Variants in FMN2 observed in about 807,000 individuals in gnomAD.
FMN2 encodes formin-2.
Under a neutral mutation model 142.3 loss-of-function variants are expected in FMN2, and 51 were observed. The ratio of observed to expected loss-of-function variants is 0.36; its 90% CI spans 0.29 to 0.45. FMN2 has a LOEUF of 0.45. Among genes scored for constraint, FMN2 ranks in the 20% least tolerant of loss-of-function variants. The pLI is 1.00. For synonymous variants in FMN2, 882 were observed against 869.8 expected, an observed-to-expected ratio of 1.01 and a Z score of -0.25; for missense variants, 1,936 against 2,122.8, an observed-to-expected ratio of 0.91 and a Z score of 1.73.
At chr1:240,171,236 A>T in intron 2 of FMN2, 4 of 773,006 alleles carry the variant, frequency 5.2e-6, no homozygotes, top group Non-Finnish European at 9.6e-6. Flanking sequence ...GATGAAATTA[A>T]CAAAGCCTTT....
At chr1:240,214,032 T>C (rs975021002) in intron 6 of FMN2, among the ~76,000 whole-genome samples, 1 of 152,216 alleles carries the variant, frequency 6.6e-6, no homozygotes, top group Non-Finnish European at 1.5e-5. Context: ...ACAAAGCATT[T>C]TATACTTTTC....
rs186054817 is a variant in FMN2, at chr1:240,358,361, A to G, written c.4858+2453A>G. Among the ~76,000 whole-genome samples, 88 of 152,340 alleles carry G rather than the reference A, an allele frequency of 5.8e-4. 1 individual carries two copies. Among genetic ancestry groups the G allele is most frequent in the Non-Finnish European group, 1.1e-3 (72 of 68,034 alleles). On this transcript the variant is annotated intron_variant, in intron 14 of 17. Coordinates refer to ENST00000319653, the MANE Select transcript of FMN2 (RefSeq NM_020066.5). ...TGTATGTAGATCAAGTGTGTCAACA[A>G]TATGAAAGAATAGAAGTCTCACTTT...
chr1:240,393,546 C>T (rs547223329), intron 15 of FMN2, among the ~76,000 whole-genome samples: 1 of 152,294 alleles, frequency 6.6e-6, no homozygotes, highest in Non-Finnish European at 1.5e-5. Flanking sequence ...AATTACCCAA[C>T]AGTGGCCTCT....
intron 16 of FMN2, among the ~76,000 whole-genome samples, chr1:240,452,567 A>G (rs1676099361): frequency 7.4e-6 from 1 of 135,130 alleles, no homozygotes; most frequent in African/African-American, 2.5e-5. Flanking sequence ...TCAAATTCCT[A>G]TGGCCTAAAG....
intron 4 of FMN2, among the ~76,000 whole-genome samples, chr1:240,195,491 G>A (rs1043647355): frequency 3.3e-5 from 5 of 152,160 alleles, no homozygotes; most frequent in Non-Finnish European, 5.9e-5. Context: ...TGATGCTGCT[G>A]TTGGCCATAG....
chr1:240,290,959 A>G (rs1304992509), intron 7 of FMN2, among the ~76,000 whole-genome samples: 1 of 151,610 alleles, frequency 6.6e-6, no homozygotes, highest in Non-Finnish European at 1.5e-5. Flanking sequence ...GATTACAGGC[A>G]TGCACCACCA....
chr1:240,313,695 C>T (rs932911351), intron 8 of FMN2, among the ~76,000 whole-genome samples: 5 of 152,054 alleles, frequency 3.3e-5, no homozygotes, highest in East Asian at 1.9e-4. Context: ...TGCCCGGGCA[C>T]GGTGGCTCAT....
At chr1:240,148,299 C>T (rs149685529) in intron 2 of FMN2, among the ~76,000 whole-genome samples, 1 of 41,872 alleles carries the variant, frequency 2.4e-5, no homozygotes, top group Non-Finnish European at 6.5e-5. Flanking sequence ...CAGACAGAGA[C>T]AGAGAGAGAG....
chr1:240,310,431 G>A (rs965565836), intron 8 of FMN2, among the ~76,000 whole-genome samples: 2 of 152,120 alleles, frequency 1.3e-5, no homozygotes, highest in Non-Finnish European at 1.5e-5. Context: ...TCTTCTAGAT[G>A]TGAATGAATC....
At chr1:240,193,963 G>A (rs1665812105) in intron 4 of FMN2, among the ~76,000 whole-genome samples, 1 of 152,126 alleles carries the variant, frequency 6.6e-6, no homozygotes, top group South Asian at 2.1e-4. Flanking sequence ...AGTCTTCAGC[G>A]TTATCACTCA....
At chr1:240,318,171 A>G (rs1157117538) in intron 8 of FMN2, among the ~76,000 whole-genome samples, 2 of 152,162 alleles carry the variant, frequency 1.3e-5, no homozygotes, top group Non-Finnish European at 2.9e-5. Context: ...GGGCCCCCAG[A>G]TACCAGGTTG....
intron 14 of FMN2, among the ~76,000 whole-genome samples, chr1:240,374,435 G>A (rs1488338133): frequency 1.3e-5 from 2 of 152,188 alleles, no homozygotes; most frequent in Non-Finnish European, 2.9e-5. Flanking sequence ...CTGTTGTAGT[G>A]TAGCCACCTT....
rs746210575 is a variant in FMN2 at position 240,093,584 on chromosome 1, G to T, written c.1475G>T (p.Arg492Leu). 19 of 1,447,380 alleles carry T rather than the reference G, an allele frequency of 1.3e-5. No individual in the cohort carries two copies. The highest frequency in any genetic ancestry group is 1.7e-5 in the Non-Finnish European group (19 of 1,110,340). The allele number at this position is 1,447,380 out of a possible 1,614,324, so 89.7% of individuals were successfully genotyped here. A position where few individuals can be genotyped will look rare whatever the true frequency, so the allele number is the denominator to read the frequency against. ...SADWTEELGARTPRVGGSAHL... is the reference protein window; with the variant it reads ...SADWTEELGALTPRVGGSAHL... ...GACTGGACGGAGGAGCTAGGCGCCC[G>T]CACGCCCCGGGTGGGAGGCTCCGCG... is the stretch of plus-strand genomic sequence containing the variant. Residue 492 changes from arginine (R) to leucine (L), a missense_variant, in exon 1 of 18, where the codon CGC (arginine) becomes CTC (leucine). Coordinates refer to ENST00000319653, the MANE Select transcript of FMN2 (RefSeq NM_020066.5).
rs371554316 is a variant in FMN2 at position 240,095,412 on chromosome 1, T to C, written c.1615+1688T>C. Among the ~76,000 whole-genome samples, 18 of 89,240 alleles carry C rather than the reference T, an allele frequency of 2.0e-4. 1 individual carries two copies. The highest frequency in any genetic ancestry group is 1.6e-3 in the Admixed American group (14 of 8,882). 58.5% of individuals were successfully genotyped at this position (89,240 alleles called of 152,430 possible). On this transcript the variant is annotated intron_variant, in intron 1 of 17. Transcript: ENST00000319653. ...ACACACACACACACACACACACACATTGAGCAGCCACATTGTGCTAGGCAG... is the reference window on the plus strand; with the variant it reads ...ACACACACACACACACACACACACACTGAGCAGCCACATTGTGCTAGGCAG...
At chr1:240,257,398 A>G (rs1244994971) in intron 6 of FMN2, among the ~76,000 whole-genome samples, 1 of 152,156 alleles carries the variant, frequency 6.6e-6, no homozygotes, top group Non-Finnish European at 1.5e-5. Flanking sequence ...AATGAGAGGA[A>G]CTTCCAGTAA....
At chr1:240,217,454 T>G (rs1666948277) in intron 6 of FMN2, among the ~76,000 whole-genome samples, 1 of 152,200 alleles carries the variant, frequency 6.6e-6, no homozygotes, top group Non-Finnish European at 1.5e-5. Context: ...CTAAATATCT[T>G]ATAATAAAAC....
At chr1:240,451,723 T>C (rs1224161373) in intron 16 of FMN2, among the ~76,000 whole-genome samples, 1 of 152,036 alleles carries the variant, frequency 6.6e-6, no homozygotes, top group African/African-American at 2.4e-5. Context: ...AAGCCTGATA[T>C]AGTAAAATAG....
At chr1:240,287,464 G>T (rs548326185) in intron 7 of FMN2, among the ~76,000 whole-genome samples, 2 of 152,148 alleles carry the variant, frequency 1.3e-5, no homozygotes, top group Non-Finnish European at 2.9e-5. Flanking sequence ...GGGCTGATTT[G>T]TACTCATTTT....
intron 2 of FMN2, among the ~76,000 whole-genome samples, chr1:240,133,694 T>C (rs527359737): frequency 4.7e-4 from 71 of 152,186 alleles, no homozygotes; most frequent in African/African-American, 1.7e-3. Flanking sequence ...CCACTATTAT[T>C]TCCCAGTTAG....
Sources: gnomAD v4.1 joint callset for allele counts (sites outside exome capture counted in the v4.1 genomes callset) on GRCh38, gnomAD v4.1.1 for gene constraint, MANE v1.5 for transcripts, NCBI Gene and HGNC (gene_info 2026-07-23, HGNC 2026-07-21) for gene names.